IL3RA: variants seen among roughly 807,000 people sequenced by gnomAD.
IL3RA encodes the protein interleukin-3 receptor subunit alpha.
Under a neutral mutation model 52.3 loss-of-function variants are expected in IL3RA, and 73 were observed. The ratio of observed to expected loss-of-function variants is 1.40; its 90% CI spans 1.16 to 1.70. IL3RA has a LOEUF of 1.70. Ranked by LOEUF, IL3RA falls within the 40% of genes most tolerant of loss-of-function variation. The probability of loss-of-function intolerance (pLI) is 0.00; values close to 1 mark genes in which losing one functional copy is unlikely to be tolerated. For missense variants in IL3RA, 664 were observed against 504.4 expected, an observed-to-expected ratio of 1.32 and a Z score of -3.03; for synonymous variants, 260 against 194.0, an observed-to-expected ratio of 1.34 and a Z score of -2.83.
intron 2 of IL3RA, among the ~76,000 whole-genome samples, chrX:1,344,910 C>T (rs1413125576): frequency 1.3e-5 from 2 of 150,430 alleles, no homozygotes; most frequent in South Asian, 2.1e-4. Flanking sequence ...TGCCTGTAAT[C>T]CCAGCACTTT....
intron 8 of IL3RA, 95 bp downstream of exon 8, chrX:1,358,982 C>A (rs1285363390): frequency 2.3e-5 from 19 of 823,854 alleles, no homozygotes; most frequent in Admixed American, 8.0e-5. Context: ...ATTAATAATT[C>A]TTATTAATAA....
At position 1,358,049 on chromosome X, in the gene IL3RA, G is replaced by A. The variant is rs139907168; in HGVS notation, c.733-812G>A. ...AAACCCAGAAGGCGGAGCTTGCAGC[G>A]AGCTGAGATTGTGCCACTGCACTCC... is the stretch of plus-strand genomic sequence containing the variant. On this transcript the variant is annotated intron_variant, in intron 7 of 11. Transcript: ENST00000331035. 4.6e-3 allele frequency among the ~76,000 whole-genome samples: 702 copies of A among 151,400 alleles called. 10 individuals carry two copies. The highest frequency in any genetic ancestry group is 0.016 in the African/African-American group (672 of 41,294).
At chrX:1,378,568 C>G (rs1371000642) in intron 9 of IL3RA, 91 bp from the exon 10 acceptor site, 4 of 1,134,084 alleles carry the variant, frequency 3.5e-6, no homozygotes, top group Non-Finnish European at 5.2e-6. Flanking sequence ...GCAGCCACCT[C>G]TCTGCTTCCC....
At chrX:1,380,404 G>A (rs1245923576) in intron 10 of IL3RA, among the ~76,000 whole-genome samples, 1 of 55,648 alleles carries the variant, frequency 1.8e-5, no homozygotes, top group Non-Finnish European at 3.3e-5. Flanking sequence ...TCTGTCTCCC[G>A]GGGGAAGGGG....
chrX:1,368,798 C>G (rs777382234), intron 9 of IL3RA, among the ~76,000 whole-genome samples: 2 of 121,438 alleles, frequency 1.6e-5, no homozygotes, highest in East Asian at 4.8e-4. Flanking sequence ...CCTCCAGCCT[C>G]CAGGGCTGTG....
In IL3RA at chrX:1,351,993, G is replaced by A; in HGVS notation, c.299-107G>A. 5 of 1,394,624 alleles carry A rather than the reference G, an allele frequency of 3.6e-6. No homozygotes were observed. The South Asian group carries it at 6.8e-5, about 19-fold the overall frequency. The allele number at this position is 1,394,624 out of a possible 1,614,324, so 86.4% of individuals were successfully genotyped here. A position where few individuals can be genotyped will look rare whatever the true frequency, so the allele number is the denominator to read the frequency against. ...TTGGCCAGGCTGGTCTCGAACTCCT[G>A]ACCTCATGTGATCCACCCGCCTCGG... On this transcript the variant is annotated intron_variant, in intron 4 of 11. Coordinates refer to ENST00000331035, the MANE Select transcript of IL3RA (RefSeq NM_002183.4).
intron 10 of IL3RA, among the ~76,000 whole-genome samples, chrX:1,380,710 C>T (rs1438089253): frequency 1.0e-4 from 15 of 145,594 alleles, no homozygotes; most frequent in East Asian, 6.2e-4. Context: ...AAGAGGGGGA[C>T]GAGGCCCTTC....
Position 1,365,211 on chromosome X carries a change from T to C in IL3RA, c.833T>C (p.Val278Ala). 3 of 1,610,682 alleles carry C rather than the reference T, an allele frequency of 1.9e-6. No homozygotes were observed. Among genetic ancestry groups the C allele is most frequent in the African/African-American group, 1.3e-5 (1 of 74,776 alleles). The stretch of plus-strand genomic sequence containing the variant: ...GTACAAATAAGAGCCCGGGAAAGAG[T>C]GTATGAATTCTTGAGCGCCTGGAGC... ...YTVQIRARERVYEFLSAWSTP... is the reference protein window; with the variant it reads ...YTVQIRARERAYEFLSAWSTP... Residue 278 changes from valine (V) to alanine (A), a missense_variant, in exon 9 of 12, where the codon GTG (valine) becomes GCG (alanine). Transcript: ENST00000331035.
intron 8 of IL3RA, among the ~76,000 whole-genome samples, chrX:1,359,214 A>G (rs1286296853): frequency 1.1e-4 from 17 of 151,846 alleles, no homozygotes; most frequent in Admixed American, 1.1e-3. Context: ...AGGTCCACCC[A>G]TTTGCCCCAG....
chrX:1,365,300 G>A (rs762223403), intron 9 of IL3RA, 48 bp downstream of exon 9: 4 of 1,352,368 alleles, frequency 3.0e-6, no homozygotes, highest in South Asian at 2.4e-5. Context: ...TGAGCGGGGT[G>A]CGCGGGGTGA....
intron 2 of IL3RA, among the ~76,000 whole-genome samples, chrX:1,343,943 C>A (rs1207215299): frequency 6.6e-6 from 1 of 151,484 alleles, no homozygotes; most frequent in Non-Finnish European, 1.5e-5. Context: ...TTACAGGCGC[C>A]CGCCACCACG....
intron 8 of IL3RA, among the ~76,000 whole-genome samples, chrX:1,362,821 G>C (rs1310842626): frequency 2.6e-5 from 4 of 151,814 alleles, no homozygotes; most frequent in Non-Finnish European, 5.9e-5. Flanking sequence ...TGTCACCCAG[G>C]CTGGAGTGCA....
intron 9 of IL3RA, among the ~76,000 whole-genome samples, chrX:1,377,565 C>G (rs1569528164): frequency 6.7e-6 from 1 of 149,474 alleles, no homozygotes; most frequent in Non-Finnish European, 1.5e-5. Context: ...TCTGAAGCCA[C>G]CAAGCTGTGG....
At chrX:1,380,510 GGGAA>G (rs2149227054) in intron 10 of IL3RA, among the ~76,000 whole-genome samples, 1 of 10,426 alleles carries the variant, frequency 9.6e-5, no homozygotes, top group Admixed American at 6.9e-4. Context: ...AGGGAGGAGG[GGGAA>G]GGGAAGAGGG....
Position 1,378,653 on chromosome X carries a change from C to A in IL3RA, c.875-6C>A, listed in dbSNP as rs376810188. On this transcript the variant is annotated splice_polypyrimidine_tract_variant and splice_region_variant and intron_variant, in intron 9 of 11. Coordinates refer to ENST00000331035, the MANE Select transcript of IL3RA (RefSeq NM_002183.4). ...GGTCTGTGACCCTCTCACCCTTTAC[C>A]CCTAGAGTGCGACCAGGAGGAGGGC... 2.5e-6 allele frequency: 4 copies of A among 1,611,332 alleles called. No homozygotes were observed. Among genetic ancestry groups the A allele is most frequent in the African/African-American group, 2.7e-5 (2 of 74,864 alleles).
chrX:1,353,943 A>AGCCCCC (rs1187426063), intron 6 of IL3RA, among the ~76,000 whole-genome samples: 2 of 42,814 alleles, frequency 4.7e-5, no homozygotes, highest in Non-Finnish European at 9.2e-5. Context: ...GGGTCATGGG[A>AGCCCCC]CCCCCCCCCC....
At chrX:1,355,956 TG>T (rs2086674244) in intron 6 of IL3RA, among the ~76,000 whole-genome samples, 1 of 151,594 alleles carries the variant, frequency 6.6e-6, no homozygotes, top group Non-Finnish European at 1.5e-5. Flanking sequence ...AACAAAAGGG[TG>T]GTTCTGAAGG....
chrX:1,382,599 G>C lies in IL3RA; in HGVS notation c.*134G>C. ...CTAACGGGTGGTGGGCATGGGAGAT[G>C]CCTGTGTAATTTCGTCCGAAGCTGC... is the stretch of plus-strand genomic sequence containing the variant. On this transcript the variant is annotated 3_prime_UTR_variant, in exon 12 of 12. Coordinates refer to ENST00000331035, the MANE Select transcript of IL3RA (RefSeq NM_002183.4). The C allele has an allele frequency of 1.3e-6, 1 of 782,592 alleles. No individual in the cohort carries two copies. The highest frequency in any genetic ancestry group is 2.2e-6 in the Non-Finnish European group (1 of 446,808). The allele number at this position is 782,592 out of a possible 1,614,324, so 48.5% of individuals were successfully genotyped here.
intron 2 of IL3RA, among the ~76,000 whole-genome samples, chrX:1,344,719 G>C (rs2085652945): frequency 6.6e-6 from 1 of 151,760 alleles, no homozygotes; most frequent in East Asian, 1.9e-4. Flanking sequence ...GTTGCGGTGA[G>C]CTGAGATCGT....
Sources: allele counts gnomAD v4.1 joint callset (sites outside exome capture counted in the v4.1 genomes callset), GRCh38; gene constraint gnomAD v4.1.1; transcripts MANE v1.5; gene names NCBI Gene and HGNC (gene_info 2026-07-23, HGNC 2026-07-21).